The following CCDC142 variants were observed in gnomAD, a reference collection of about 807,000 sequenced individuals.
CCDC142 encodes coiled-coil domain-containing protein 142.
CCDC142 carries 67 observed loss-of-function variants against 83.8 expected under a neutral mutation model. The ratio of observed to expected loss-of-function variants is 0.80; its 90% CI spans 0.66 to 0.98. CCDC142 has a LOEUF of 0.98. CCDC142 is among the 50% of genes least tolerant of loss of function. CCDC142 has a pLI of 0.00. For synonymous variants in CCDC142, 421 were observed against 421.2 expected, an observed-to-expected ratio of 1.00 and a Z score of 0.01; for missense variants, 905 against 946.8, an observed-to-expected ratio of 0.96 and a Z score of 0.58.
rs1359356217 is a variant in CCDC142, at chr2:74,475,238, CA to C, written c.1782del (p.His594GlnfsTer114). ...TTTACTCCTGACCTGAACCGAATCC[CA>C]TGGGTAAGAATGTGGTCAAGCCAGG... ...VGAWLDHILT[H>X]GIRFSLQGAL... On this transcript the variant is annotated frameshift_variant, in exon 7 of 9. Transcript: ENST00000393965. LOFTEE classifies it high-confidence loss of function. 1 of 1,614,224 alleles carries C rather than the reference CA, an allele frequency of 6.2e-7. No individual in the cohort carries two copies. Among genetic ancestry groups the C allele is most frequent in the Non-Finnish European group, 8.5e-7 (1 of 1,180,040 alleles).
At chr2:74,475,571 C>T in intron 6 of CCDC142, 41 bp downstream of exon 6, 1 of 1,553,302 alleles carries the variant, frequency 6.4e-7, no homozygotes, top group Non-Finnish European at 8.9e-7. Flanking sequence ...CACTATTACC[C>T]CCTTGGAACT....
intron 1 of CCDC142, 58 bp from the exon 2 acceptor site, chr2:74,481,596 G>T: frequency 1.3e-6 from 2 of 1,523,846 alleles, no homozygotes; most frequent in South Asian, 1.1e-5. Flanking sequence ...CACAACCCCT[G>T]CCCACTCAAT....
intron 5 of CCDC142, 115 bp from the exon 6 acceptor site, chr2:74,475,841 G>C: frequency 6.0e-6 from 4 of 670,548 alleles, no homozygotes; most frequent in Non-Finnish European, 1.0e-5. Context: ...TTGCATAGTT[G>C]TGTATGCCTG....
In CCDC142 at chr2:74,475,043, G is replaced by A; in HGVS notation, c.1869C>T (p.Ser623=). Reference sequence around the variant, plus strand: ...GGGTCTGGCGGAGATCAGGGGACAGGCTCCACTGCTCCTCTTCCAGCAACT... The same window carrying A: ...GGGTCTGGCGGAGATCAGGGGACAGACTCCACTGCTCCTCTTCCAGCAACT... ...VRELLEEEQW[S]LSPDLRQTLL... The change falls in exon 8 of 9, where the codon AGC becomes AGT. Residue 623 remains serine, a synonymous_variant. Coordinates refer to ENST00000393965, the MANE Select transcript of CCDC142 (RefSeq NM_001365575.2). 1.9e-6 allele frequency: 3 copies of A among 1,613,982 alleles called. No individual in the cohort carries two copies. Among genetic ancestry groups the A allele is most frequent in the South Asian group, 2.2e-5 (2 of 91,056 alleles).
intron 5 of CCDC142, among the ~76,000 whole-genome samples, chr2:74,480,280 A>C (rs2104016614): frequency 6.6e-6 from 1 of 152,266 alleles, no homozygotes; most frequent in African/African-American, 2.4e-5. Flanking sequence ...TACATGTTTG[A>C]AATTTTCCAT....
At chr2:74,481,157 AAC>A in intron 3 of CCDC142, 64 bp downstream of exon 3, 2 of 1,611,186 alleles carry the variant, frequency 1.2e-6, no homozygotes, top group Non-Finnish European at 1.7e-6. Flanking sequence ...CAGATTTCAG[AAC>A]AGAGTGAAAG....
Position 74,481,806 on chromosome 2 carries a change from C to CCATCACT in CCDC142, c.1021+4_1021+10dup. The CCATCACT allele has an allele frequency of 6.2e-7, 1 of 1,600,416 alleles. No individual in the cohort carries two copies. The highest frequency in any genetic ancestry group is 8.5e-7 in the Non-Finnish European group (1 of 1,170,688). On this transcript the variant is annotated intron_variant, in intron 1 of 8. Transcript: ENST00000393965. ...AGCCTTCCCAAACGCCCACCCAAGC[C>CCATCACT]CATCACTCACCCTGACCCAGTGCCT...
At position 74,482,245 on chromosome 2, in the gene CCDC142, A is replaced by G; in HGVS notation, c.593T>C (p.Leu198Pro). Residue 198 changes from leucine (L) to proline (P), a missense_variant, in exon 1 of 9, where the codon CTG becomes CCG. By Grantham distance (98) the Leu-to-Pro change is moderately conservative. Around this residue, in one of 3 missense-constraint regions of CCDC142, gnomAD observed 591 missense variants for 571.4 expected, o/e 1.03. Coordinates refer to ENST00000393965, the MANE Select transcript of CCDC142 (RefSeq NM_001365575.2). This position sits in a 1 kb window ranked among gnomAD's most constrained non-coding sequence, Gnocchi z 5.0. ...ALGREPASPG[L>P]SSQLAELLFA... ...GAGCAGCTCGGCGAGTTGGGACGAC[A>G]GGCCCGGGCTGGCGGGCTCCCGGCC... The G allele has an allele frequency of 1.2e-6, 2 of 1,613,258 alleles. No individual in the cohort carries two copies. Among genetic ancestry groups the G allele is most frequent in the Non-Finnish European group, 1.7e-6 (2 of 1,179,878 alleles).
At chr2:74,481,575 G>A (rs1672464966) in intron 1 of CCDC142, 37 bp from the exon 2 acceptor site, 1 of 1,595,352 alleles carries the variant, frequency 6.3e-7, no homozygotes, top group South Asian at 1.1e-5. Flanking sequence ...TGAAAACAAG[G>A]TCTCACTTTC....
chr2:74,477,515 C>A (rs1031924143), intron 5 of CCDC142, among the ~76,000 whole-genome samples: 1 of 152,188 alleles, frequency 6.6e-6, no homozygotes, highest in African/African-American at 2.4e-5. Context: ...CCACACCCAA[C>A]CCCAGTGAAC....
In CCDC142 at chr2:74,482,954, G is replaced by A. The variant is rs567094109; in HGVS notation, c.-117C>T. 2,589 of 1,555,136 alleles carry A rather than the reference G, an allele frequency of 1.7e-3. 6 individuals carry two copies. The highest frequency in any genetic ancestry group is 2.0e-3 in the Non-Finnish European group (2,332 of 1,138,372). ...CCGTTTTCTCCAGTCCGGGAGTCGC[G>A]GGGACCTTCATGGACTCTCTCGTGC... is the stretch of plus-strand genomic sequence containing the variant. On this transcript the variant is annotated 5_prime_UTR_variant, in exon 1 of 9. Coordinates refer to ENST00000393965, the MANE Select transcript of CCDC142 (RefSeq NM_001365575.2). This position sits in a 1 kb window ranked among gnomAD's most constrained non-coding sequence, Gnocchi z 5.0.
intron 2 of CCDC142, 22 bp from the exon 3 acceptor site, chr2:74,481,394 G>T: frequency 1.2e-6 from 2 of 1,614,160 alleles, no homozygotes; most frequent in Non-Finnish European, 1.7e-6. Context: ...AGAGTATAGT[G>T]TGGTGGGGAA....
intron 4 of CCDC142, 35 bp downstream of exon 4, chr2:74,480,921 C>T: frequency 6.2e-7 from 1 of 1,610,220 alleles, no homozygotes; most frequent in Non-Finnish European, 8.5e-7. Flanking sequence ...CAGCCTAGCT[C>T]AGGCTGCTCC....
chr2:74,482,291 C>A lies in CCDC142; in HGVS notation c.547G>T (p.Glu183Ter), dbSNP rs745988360. 6.2e-7 allele frequency: 1 copy of A among 1,612,200 alleles called. No individual in the cohort carries two copies. The highest frequency in any genetic ancestry group is 1.1e-5 in the South Asian group (1 of 90,700). ...LAAQCLEAVIEMQLRALGREP... is the reference protein window; with the variant it reads ...LAAQCLEAVI ...CGGCCGAGAGCGCGAAGCTGCATCT[C>A]GATGACAGCCTCCAGGCACTGGGCG... Residue 183 changes from glutamate (E) to a stop codon, truncating the protein, a stop_gained, in exon 1 of 9, where the codon GAG becomes TAG. Transcript: ENST00000393965. LOFTEE classifies it high-confidence loss of function. The surrounding 1 kb of genome is among the most constrained non-coding windows in gnomAD (Gnocchi z 5.0).
rs761087638 is a variant in CCDC142, at chr2:74,475,623, C to T, written c.1607G>A (p.Arg536His). The change falls in exon 6 of 9, where the codon CGT (arginine) becomes CAT (histidine). Residue 536 changes from arginine (R) to histidine (H), a missense_variant. Coordinates refer to ENST00000393965, the MANE Select transcript of CCDC142 (RefSeq NM_001365575.2). ...GGATGAGGAGTTACCAGGACAGAGA[C>T]GAAGCCGCCAGTACCGACCCCGTGG... is the stretch of plus-strand genomic sequence containing the variant. ...YMPRGRYWRL[R>H]LCPEPPSAPS... 6.3e-5 allele frequency: 102 copies of T among 1,613,348 alleles called. No homozygotes were observed. Among genetic ancestry groups the T allele is most frequent in the Non-Finnish European group, 7.8e-5 (92 of 1,179,500 alleles).
In CCDC142 at chr2:74,474,463, C is replaced by T. The variant is rs1672264611; in HGVS notation, c.*83G>A. On this transcript the variant is annotated 3_prime_UTR_variant, in exon 9 of 9. Coordinates refer to ENST00000393965, the MANE Select transcript of CCDC142 (RefSeq NM_001365575.2). ...CCTCCAAGCTTCCAGTTCTGGGCTT[C>T]CTTAATATGCAATTCCAAATGTCTG... The T allele has an allele frequency of 6.8e-7, 1 of 1,468,408 alleles. No homozygotes were observed. The highest frequency in any genetic ancestry group is 9.1e-7 in the Non-Finnish European group (1 of 1,103,948). 91.0% of individuals were successfully genotyped at this position (1,468,408 alleles called of 1,614,324 possible). A position where few individuals can be genotyped will look rare whatever the true frequency, so the allele number is the denominator to read the frequency against.
rs1434353551 is a variant in CCDC142 at position 74,480,879 on chromosome 2, G to C, written c.1393C>G (p.Leu465Val). The C allele has an allele frequency of 1.9e-6, 3 of 1,613,648 alleles. No individual in the cohort carries two copies. Among genetic ancestry groups the C allele is most frequent in the Non-Finnish European group, 2.5e-6 (3 of 1,179,680 alleles). ...TACAAAGCTTCTGCCTCATGCAACA[G>C]AGGCTTTGGGTGGAAACAGGGAGTG... ...LLLIQKDLPP[L>V]LHEAEALYSL... Residue 465 changes from leucine to valine, a missense_variant, in exon 5 of 9, where the codon CTG becomes GTG. By Grantham distance (32) the Leu-to-Val change is conservative (BLOSUM62 1). Around this residue, in one of 3 missense-constraint regions of CCDC142, gnomAD observed 49 missense variants for 86.4 expected, o/e 0.57. Coordinates refer to ENST00000393965, the MANE Select transcript of CCDC142 (RefSeq NM_001365575.2).
rs1266998915 is a variant in CCDC142 at position 74,481,947 on chromosome 2, C to T, written c.891G>A (p.Gly297=). 1 of 1,613,980 alleles carries T rather than the reference C, an allele frequency of 6.2e-7. No homozygotes were observed. Among genetic ancestry groups the T allele is most frequent in the Non-Finnish European group, 8.5e-7 (1 of 1,180,016 alleles). The part of the protein sequence containing the change: ...GSASCGLGLG[G]AGALWSQYWT... ...AGTATTGGCTCCACAAGGCCCCAGCCCCTCCGAGCCCTAGTCCACAGCTGG... is the reference window on the plus strand; with the variant it reads ...AGTATTGGCTCCACAAGGCCCCAGCTCCTCCGAGCCCTAGTCCACAGCTGG... Residue 297 remains glycine, a synonymous_variant, in exon 1 of 9, where the codon GGG becomes GGA. Coordinates refer to ENST00000393965, the MANE Select transcript of CCDC142 (RefSeq NM_001365575.2).
chr2:74,476,538 G>C (rs1264371018), intron 5 of CCDC142, among the ~76,000 whole-genome samples: 1 of 152,122 alleles, frequency 6.6e-6, no homozygotes, highest in Non-Finnish European at 1.5e-5. Context: ...ATGTAAACCA[G>C]AAGCAATGAC....
Sources: allele counts gnomAD v4.1 joint callset (sites outside exome capture counted in the v4.1 genomes callset), GRCh38; gene constraint gnomAD v4.1.1; regional missense constraint gnomAD v4.1.1; non-coding constraint Gnocchi (gnomAD v3.1); transcripts MANE v1.5; gene names NCBI Gene and HGNC (gene_info 2026-07-23, HGNC 2026-07-21).